Variants in ANGPT4 observed in about 807,000 individuals in gnomAD.
ANGPT4 encodes the protein angiopoietin 4.
ANGPT4 carries 50 observed loss-of-function variants against 53.0 expected under a neutral mutation model. The ratio of observed to expected loss-of-function variants is 0.94; its 90% CI spans 0.75 to 1.20. The LOEUF (loss-of-function observed/expected upper bound fraction) is 1.20. ANGPT4 is among the 50% of genes most tolerant of loss of function. The pLI is 0.00. For missense variants in ANGPT4, 648 were observed against 637.1 expected (o/e 1.02, Z -0.18); for synonymous variants, 251 against 259.7 (o/e 0.97, Z 0.32).
chr20:884,739 A>G (rs1374886695), intron 4 of ANGPT4, among the ~76,000 whole-genome samples: 1 of 152,102 alleles, frequency 6.6e-6, no homozygotes, highest in Non-Finnish European at 1.5e-5. Context: ...GGACAAGCCC[A>G]AGAAAGTGGG....
Position 871,852 on chromosome 20 carries a change from G to T in ANGPT4, c.*1108C>A, listed in dbSNP as rs1166960312. ...ACCTAGTTCTAGACCCTTCTTCAGG[G>T]ATGGTATCTGTTTTAACTGAAAGGT... On this transcript the variant is annotated 3_prime_UTR_variant, in exon 9 of 9. Coordinates refer to ENST00000381922, the MANE Select transcript of ANGPT4 (RefSeq NM_015985.4). The T allele has an allele frequency of 6.6e-6, 1 of 152,216 alleles. No individual in the cohort carries two copies. Among genetic ancestry groups the T allele is most frequent in the African/African-American group, 2.4e-5 (1 of 41,432 alleles). 9.4% of individuals were successfully genotyped at this position (152,216 alleles called of 1,614,324 possible). A position where few individuals can be genotyped will look rare whatever the true frequency, so the allele number is the denominator to read the frequency against.
intron 1 of ANGPT4, among the ~76,000 whole-genome samples, chr20:900,920 T>G (rs1206915804): frequency 6.6e-6 from 1 of 152,138 alleles, no homozygotes; most frequent in Non-Finnish European, 1.5e-5. Context: ...TTCCATTTAG[T>G]TTCTCAATTC....
chr20:877,676 C>T (rs552595080), intron 7 of ANGPT4, among the ~76,000 whole-genome samples: 1 of 152,296 alleles, frequency 6.6e-6, no homozygotes, highest in Admixed American at 6.5e-5. Flanking sequence ...ACAAGATCGT[C>T]ATGTTTAAGC....
At chr20:898,784 G>A (rs547545280) in intron 1 of ANGPT4, among the ~76,000 whole-genome samples, 3 of 152,210 alleles carry the variant, frequency 2.0e-5, no homozygotes, top group African/African-American at 4.8e-5. Flanking sequence ...GCAGACAGTT[G>A]TTCCTCCAGG....
rs1451749991 is a variant in ANGPT4, at chr20:914,977, G to A, written c.309+929C>T. Among the ~76,000 whole-genome samples, 1 of 152,178 alleles carries A rather than the reference G, an allele frequency of 6.6e-6. No individual in the cohort carries two copies. Among genetic ancestry groups the A allele is most frequent in the Non-Finnish European group, 1.5e-5 (1 of 68,034 alleles). The stretch of plus-strand genomic sequence containing the variant: ...ACTCCGCATCCAATTCACCAGCAGA[G>A]CTGATGGGCTCTACCTCCAGAACCC... On this transcript the variant is annotated intron_variant, in intron 1 of 8. Transcript: ENST00000381922. The surrounding 1 kb of genome is among the most constrained non-coding windows in gnomAD (Gnocchi z 5.0).
intron 1 of ANGPT4, among the ~76,000 whole-genome samples, chr20:895,562 G>C (rs1982013203): frequency 6.6e-6 from 1 of 152,180 alleles, no homozygotes; most frequent in Admixed American, 6.5e-5. Context: ...GGGGCTGGGG[G>C]AGAGGGGGTG....
chr20:877,205 C>T (rs747082949), intron 7 of ANGPT4, among the ~76,000 whole-genome samples: 4 of 152,266 alleles, frequency 2.6e-5, no homozygotes, highest in Middle Eastern at 3.4e-3. Context: ...TGTGGGGAAG[C>T]GACCTTCCCA....
At chr20:896,289 A>T (rs1982047875) in intron 1 of ANGPT4, among the ~76,000 whole-genome samples, 1 of 152,210 alleles carries the variant, frequency 6.6e-6, no homozygotes, top group Non-Finnish European at 1.5e-5. Context: ...ACTTCTACTA[A>T]ATATATCAGT....
At chr20:887,509 C>CA (rs1348430752) in intron 3 of ANGPT4, among the ~76,000 whole-genome samples, 1 of 152,190 alleles carries the variant, frequency 6.6e-6, no homozygotes, top group African/African-American at 2.4e-5. Flanking sequence ...GTGGCTTGTT[C>CA]AGTGGGTAGA....
At chr20:902,331 A>T (rs1982317737) in intron 1 of ANGPT4, among the ~76,000 whole-genome samples, 1 of 151,244 alleles carries the variant, frequency 6.6e-6, no homozygotes, top group Admixed American at 6.6e-5. Flanking sequence ...GGAACCTGTA[A>T]ACTTGCATTA....
intron 1 of ANGPT4, among the ~76,000 whole-genome samples, chr20:913,038 G>T (rs750825107): frequency 1.3e-5 from 2 of 152,126 alleles, no homozygotes; most frequent in Non-Finnish European, 2.9e-5. Flanking sequence ...GCAGATGATG[G>T]CTTCTGGGAT....
intron 3 of ANGPT4, among the ~76,000 whole-genome samples, chr20:888,021 G>T (rs921896530): frequency 6.6e-6 from 1 of 151,850 alleles, no homozygotes; most frequent in African/African-American, 2.4e-5. Context: ...GCCCAGCCCC[G>T]TATCCACTCT....
chr20:898,239 T>C (rs1982132081), intron 1 of ANGPT4, among the ~76,000 whole-genome samples: 1 of 152,064 alleles, frequency 6.6e-6, no homozygotes. Context: ...CAGCATCTGC[T>C]CCCCTACCCT....
chr20:887,037 T>C (rs992765309), intron 3 of ANGPT4, among the ~76,000 whole-genome samples: 4 of 152,184 alleles, frequency 2.6e-5, no homozygotes, highest in African/African-American at 7.2e-5. Context: ...AATGGAAGGA[T>C]ACACAAGAAA....
intron 7 of ANGPT4, 138 bp from the exon 8 acceptor site, chr20:874,552 G>C: frequency 8.9e-6 from 11 of 1,231,924 alleles, no homozygotes; most frequent in Non-Finnish European, 1.2e-5. Context: ...GCCCCAGCCT[G>C]GGTGGAGTGC....
chr20:901,575 T>C (rs1982289702), intron 1 of ANGPT4, among the ~76,000 whole-genome samples: 1 of 152,186 alleles, frequency 6.6e-6, no homozygotes, highest in Admixed American at 6.5e-5. Flanking sequence ...TGTTTGGTGG[T>C]CTCTTCACAC....
At chr20:878,762 C>T (rs1402948612) in intron 6 of ANGPT4, among the ~76,000 whole-genome samples, 1 of 152,144 alleles carries the variant, frequency 6.6e-6, no homozygotes. Flanking sequence ...GACACATGTA[C>T]GTTAAACCTC....
At chr20:891,564 C>A (rs575141137) in intron 1 of ANGPT4, among the ~76,000 whole-genome samples, 9 of 152,340 alleles carry the variant, frequency 5.9e-5, no homozygotes, top group African/African-American at 2.2e-4. Flanking sequence ...CCATGCCCCC[C>A]ACCCCTGTCC....
At chr20:904,917 T>C (rs1982421236) in intron 1 of ANGPT4, among the ~76,000 whole-genome samples, 1 of 152,210 alleles carries the variant, frequency 6.6e-6, no homozygotes, top group Non-Finnish European at 1.5e-5. Context: ...TGATTTTGAC[T>C]ATCGTTAACA....
Sources: allele counts gnomAD v4.1 joint callset (sites outside exome capture counted in the v4.1 genomes callset), GRCh38; gene constraint gnomAD v4.1.1; non-coding constraint Gnocchi (gnomAD v3.1); transcripts MANE v1.5; gene names NCBI Gene and HGNC (gene_info 2026-07-23, HGNC 2026-07-21).